The following KIRREL3 variants were observed in gnomAD, a reference collection of about 807,000 sequenced individuals.
KIRREL3 encodes the protein kin of IRRE-like protein 3.
KIRREL3 carries 36 observed loss-of-function variants against 89.7 expected under a neutral mutation model. The ratio of observed to expected loss-of-function variants is 0.40; its 90% confidence interval spans 0.31 to 0.53. The LOEUF (loss-of-function observed/expected upper bound fraction) is 0.53, where lower values mean the gene tolerates loss of function less well. KIRREL3 is among the 20% of genes least tolerant of loss of function. The pLI is 0.49. For synonymous variants in KIRREL3, 445 were observed against 441.4 expected (o/e 1.01, Z -0.10); for missense variants, 864 against 1,056.6 (o/e 0.82, Z 2.53).
chr11:126,784,164 C>G (rs147938506), intron 1 of KIRREL3, among the ~76,000 whole-genome samples: 294 of 152,228 alleles, frequency 1.9e-3, no homozygotes, highest in African/African-American at 6.8e-3. Context: ...CCTGGATGAG[C>G]CCCTGGGGCA....
intron 1 of KIRREL3, among the ~76,000 whole-genome samples, chr11:126,880,993 A>C (rs922574560): frequency 5.9e-5 from 9 of 152,244 alleles, no homozygotes; most frequent in African/African-American, 2.2e-4. Context: ...TGTTAATGCA[A>C]ACATAATAAC....
chr11:126,749,882 C>A (rs766334815), intron 1 of KIRREL3, among the ~76,000 whole-genome samples: 12 of 152,162 alleles, frequency 7.9e-5, no homozygotes, highest in Admixed American at 2.0e-4. Flanking sequence ...TGTTGTCTAA[C>A]CTCATTTTCT....
intron 1 of KIRREL3, among the ~76,000 whole-genome samples, chr11:126,845,174 T>A (rs1048313083): frequency 2.0e-5 from 3 of 152,114 alleles, no homozygotes; most frequent in Non-Finnish European, 2.9e-5. Flanking sequence ...CACATGTATT[T>A]TGCTCTGGAA....
chr11:126,955,626 C>G lies in KIRREL3; in HGVS notation c.55+44829G>C, dbSNP rs1416952468. ...CCATTCTTTCCTTCCATCATTTGCT[C>G]CCTCAACCACACATATTTATTAAGT... is the stretch of plus-strand genomic sequence containing the variant. On this transcript the variant is annotated intron_variant, in intron 1 of 16. Transcript: ENST00000525144. This position sits in a 1 kb window ranked among gnomAD's most constrained non-coding sequence, Gnocchi z 4.6. Among the ~76,000 whole-genome samples the G allele has an allele frequency of 1.3e-5, 2 of 152,196 alleles. No homozygotes were observed. The highest frequency in any genetic ancestry group is 2.4e-5 in the African/African-American group (1 of 41,448).
rs74506033 is a variant in KIRREL3 at position 126,717,381 on chromosome 11, G to A, written c.56-154469C>T. 3.3e-4 allele frequency among the ~76,000 whole-genome samples: 51 copies of A among 152,352 alleles called. 1 individual carries two copies. In the East Asian group the frequency reaches 9.1e-3, roughly 27 times the overall value. ...TTTGACAGTGGTCACTGCTCTGAAG[G>A]TGCCACTGTTGTACAAGTGGCTATG... is the stretch of plus-strand genomic sequence containing the variant. On this transcript the variant is annotated intron_variant, in intron 1 of 16. Coordinates refer to ENST00000525144, the MANE Select transcript of KIRREL3 (RefSeq NM_032531.4).
chr11:126,479,851 C>A (rs1468056497), intron 4 of KIRREL3, among the ~76,000 whole-genome samples: 1 of 152,162 alleles, frequency 6.6e-6, no homozygotes, highest in African/African-American at 2.4e-5. Flanking sequence ...TCTCCTGGAC[C>A]ACTGGTCTTC....
rs1312734379 is a variant in KIRREL3 at position 126,553,023 on chromosome 11, GA to G, written c.133+9811del. Among the ~76,000 whole-genome samples, 2 of 152,208 alleles carry G rather than the reference GA, an allele frequency of 1.3e-5. No individual in the cohort carries two copies. The highest frequency in any genetic ancestry group is 2.4e-5 in the African/African-American group (1 of 41,450). ...AAAACAGAGGAAAAAGTCTAGTGGG[GA>G]CACTAGTACCACTCATGGTGTGTGT... On this transcript the variant is annotated intron_variant, in intron 2 of 16. Coordinates refer to ENST00000525144, the MANE Select transcript of KIRREL3 (RefSeq NM_032531.4). This position sits in a 1 kb window ranked among gnomAD's most constrained non-coding sequence, Gnocchi z 4.7.
At chr11:126,821,508 C>T (rs1565326706) in intron 1 of KIRREL3, among the ~76,000 whole-genome samples, 1 of 151,668 alleles carries the variant, frequency 6.6e-6, no homozygotes, top group Non-Finnish European at 1.5e-5. Flanking sequence ...GGGTCCCCAG[C>T]TCCCTCATTT....
chr11:126,897,888 C>T lies in KIRREL3; in HGVS notation c.55+102567G>A, dbSNP rs1946228922. 1.3e-5 allele frequency among the ~76,000 whole-genome samples: 2 copies of T among 152,166 alleles called. No homozygotes were observed. The highest frequency in any genetic ancestry group is 4.8e-5 in the African/African-American group (2 of 41,426). On this transcript the variant is annotated intron_variant, in intron 1 of 16. Transcript: ENST00000525144. This position sits in a 1 kb window ranked among gnomAD's most constrained non-coding sequence, Gnocchi z 4.2. Reference sequence around the variant, plus strand: ...TCTGCACATATCCACTGATGTATGGCACCTCGAGTTGCTGCTGGGACTGCA... The same window carrying T: ...TCTGCACATATCCACTGATGTATGGTACCTCGAGTTGCTGCTGGGACTGCA...
intron 1 of KIRREL3, among the ~76,000 whole-genome samples, chr11:126,762,337 C>G (rs1949691281): frequency 1.3e-5 from 2 of 152,174 alleles, no homozygotes; most frequent in South Asian, 4.1e-4. Context: ...GTACCCAAGG[C>G]AGATGTGCAA....
At chr11:126,826,024 C>G (rs999698933) in intron 1 of KIRREL3, among the ~76,000 whole-genome samples, 1 of 152,138 alleles carries the variant, frequency 6.6e-6, no homozygotes, top group Admixed American at 6.5e-5. Flanking sequence ...TGTCGAGTGC[C>G]GGTCCTTCCT....
At position 126,747,678 on chromosome 11, in the gene KIRREL3, A is replaced by G. The variant is rs1283566692; in HGVS notation, c.56-184766T>C. Among the ~76,000 whole-genome samples, 2 of 151,946 alleles carry G rather than the reference A, an allele frequency of 1.3e-5. No homozygotes were observed. The highest frequency in any genetic ancestry group is 1.3e-4 in the Admixed American group (2 of 15,270). ...GTTCCTTGAGACTAGAAACGGTTTT[A>G]TTTATTTTGGAATCTCAAACCTAGC... On this transcript the variant is annotated intron_variant, in intron 1 of 16. Coordinates refer to ENST00000525144, the MANE Select transcript of KIRREL3 (RefSeq NM_032531.4). This position sits in a 1 kb window ranked among gnomAD's most constrained non-coding sequence, Gnocchi z 4.7.
chr11:126,572,024 G>A (rs755952043), intron 1 of KIRREL3, among the ~76,000 whole-genome samples: 4 of 152,224 alleles, frequency 2.6e-5, no homozygotes, highest in Non-Finnish European at 4.4e-5. Context: ...AAAGTTGGAA[G>A]TCGTGACTAG....
chr11:126,453,043 C>G (rs540930674), intron 7 of KIRREL3, among the ~76,000 whole-genome samples: 1 of 151,214 alleles, frequency 6.6e-6, no homozygotes, highest in East Asian at 2.0e-4. Context: ...TCTTTGTCTC[C>G]TCCCCTCTCC....
chr11:126,870,348 G>A lies in KIRREL3; in HGVS notation c.55+130107C>T, dbSNP rs1945067379. On this transcript the variant is annotated intron_variant, in intron 1 of 16. Transcript: ENST00000525144. This position sits in a 1 kb window ranked among gnomAD's most constrained non-coding sequence, Gnocchi z 4.4. ...ATATGAAAGGCAGTGCAGGAGCCAGGCTGGATTCCAATGCTGTGGCTGGCT... is the reference window on the plus strand; with the variant it reads ...ATATGAAAGGCAGTGCAGGAGCCAGACTGGATTCCAATGCTGTGGCTGGCT... Among the ~76,000 whole-genome samples, 2 of 152,214 alleles carry A rather than the reference G, an allele frequency of 1.3e-5. No individual in the cohort carries two copies. The highest frequency in any genetic ancestry group is 2.9e-5 in the Non-Finnish European group (2 of 68,042).
At chr11:126,963,180 G>T (rs1429759073) in intron 1 of KIRREL3, among the ~76,000 whole-genome samples, 1 of 152,106 alleles carries the variant, frequency 6.6e-6, no homozygotes, top group Non-Finnish European at 1.5e-5. Context: ...AAATGGCTGA[G>T]AGCACTGATA....
At chr11:126,730,520 G>A (rs924998252) in intron 1 of KIRREL3, among the ~76,000 whole-genome samples, 1 of 152,156 alleles carries the variant, frequency 6.6e-6, no homozygotes, top group African/African-American at 2.4e-5. Context: ...TCCACCATGG[G>A]TGATTTTTGT....
rs1947939694 is a variant in KIRREL3 at position 126,931,322 on chromosome 11, C to A, written c.55+69133G>T. 6.8e-6 allele frequency among the ~76,000 whole-genome samples: 1 copy of A among 147,786 alleles called. No individual in the cohort carries two copies. The highest frequency in any genetic ancestry group is 1.5e-5 in the Non-Finnish European group (1 of 67,386). On this transcript the variant is annotated intron_variant, in intron 1 of 16. Transcript: ENST00000525144. The surrounding 1 kb of genome is among the most constrained non-coding windows in gnomAD (Gnocchi z 5.1). ...AATGAATGAATGGATAGACTGGAAT[C>A]TATTACCTGCCTTTCCTCCCTCCCT...
chr11:126,581,760 G>A (rs1797330769), intron 1 of KIRREL3, among the ~76,000 whole-genome samples: 1 of 152,120 alleles, frequency 6.6e-6, no homozygotes, highest in South Asian at 2.1e-4. Flanking sequence ...TAATAGACAG[G>A]AGTCTCCTCT....
Sources: gnomAD v4.1 joint callset for allele counts (sites outside exome capture counted in the v4.1 genomes callset) on GRCh38, gnomAD v4.1.1 for gene constraint, Gnocchi (gnomAD v3.1) non-coding constraint, MANE v1.5 for transcripts, NCBI Gene and HGNC (gene_info 2026-07-23, HGNC 2026-07-21) for gene names.